RALYL: variants seen among roughly 807,000 people sequenced by gnomAD.
RALYL encodes the protein RNA-binding Raly-like protein.
In RALYL, 29 loss-of-function variants were observed where a neutral mutation model predicts 35.1. The ratio of observed to expected loss-of-function variants is 0.83; its 90% CI spans 0.61 to 1.13. The LOEUF is 1.13. Ranked by LOEUF, RALYL falls within the 50% of genes most tolerant of loss-of-function variation. RALYL has a pLI of 0.00. For missense variants in RALYL, 359 were observed against 360.4 expected (o/e 1.00, Z 0.03); for synonymous variants, 120 against 127.6 (o/e 0.94, Z 0.40).
At chr8:84,864,715 G>T in intron 6 of RALYL, 1 of 558,404 alleles carries the variant, frequency 1.8e-6, no homozygotes, top group Non-Finnish European at 3.4e-6. Flanking sequence ...ACCCCAGTAA[G>T]ATACTTGAGT....
chr8:84,199,332 T>A (rs1816256298), intron 1 of RALYL, among the ~76,000 whole-genome samples: 1 of 152,206 alleles, frequency 6.6e-6, no homozygotes, highest in Non-Finnish European at 1.5e-5. Context: ...TTGTCCATTT[T>A]AAAAATCAGA....
intron 2 of RALYL, among the ~76,000 whole-genome samples, chr8:84,630,960 T>G (rs1823790105): frequency 6.6e-6 from 1 of 151,994 alleles, no homozygotes; most frequent in Non-Finnish European, 1.5e-5. Flanking sequence ...ACGTTTTTAT[T>G]ATCAGGATGC....
intron 1 of RALYL, among the ~76,000 whole-genome samples, chr8:84,301,545 G>C (rs1043419185): frequency 1.3e-5 from 2 of 152,012 alleles, no homozygotes; most frequent in Non-Finnish European, 2.9e-5. Flanking sequence ...AAAAATGACT[G>C]TATGTTGAAA....
At chr8:84,761,898 G>A (rs1236659481) in intron 2 of RALYL, among the ~76,000 whole-genome samples, 1 of 152,160 alleles carries the variant, frequency 6.6e-6, no homozygotes, top group Non-Finnish European at 1.5e-5. Flanking sequence ...GGGGGCTTAT[G>A]AGTGTGAGGA....
intron 2 of RALYL, among the ~76,000 whole-genome samples, chr8:84,635,752 G>A (rs531057366): frequency 3.6e-4 from 54 of 151,684 alleles, no homozygotes; most frequent in African/African-American, 1.2e-3. Flanking sequence ...TGTAACATAC[G>A]GCTCTTAGCA....
intron 1 of RALYL, among the ~76,000 whole-genome samples, chr8:84,513,484 T>C (rs2057793342): frequency 6.6e-6 from 1 of 152,140 alleles, no homozygotes; most frequent in Non-Finnish European, 1.5e-5. Context: ...AATTGAAATA[T>C]TAACCTCTGG....
At chr8:84,226,860 T>A (rs1199093497) in intron 1 of RALYL, among the ~76,000 whole-genome samples, 2 of 152,076 alleles carry the variant, frequency 1.3e-5, no homozygotes, top group African/African-American at 2.4e-5. Context: ...ATTTTTGGAG[T>A]GTGGATCACA....
chr8:84,563,934 T>C (rs921128619), intron 2 of RALYL, among the ~76,000 whole-genome samples: 23 of 151,814 alleles, frequency 1.5e-4, no homozygotes, highest in African/African-American at 5.3e-4. Flanking sequence ...GTTGCATTTA[T>C]GTAAAATTTT....
chr8:84,746,655 T>C (rs1302644206), intron 2 of RALYL, among the ~76,000 whole-genome samples: 1 of 151,990 alleles, frequency 6.6e-6, no homozygotes, highest in Non-Finnish European at 1.5e-5. Flanking sequence ...AATAAGAAAT[T>C]ACATACAAAT....
intron 1 of RALYL, among the ~76,000 whole-genome samples, chr8:84,280,406 T>A (rs923671766): frequency 6.6e-6 from 1 of 152,142 alleles, no homozygotes; most frequent in African/African-American, 2.4e-5. Flanking sequence ...AGGGAAGATA[T>A]AATATATCCA....
chr8:84,617,950 A>G (rs1820232244), intron 2 of RALYL, among the ~76,000 whole-genome samples: 1 of 151,742 alleles, frequency 6.6e-6, no homozygotes, highest in South Asian at 2.1e-4. Context: ...AGCCCACTTG[A>G]TCATGGTGGA....
At chr8:84,599,252 T>C (rs1408415535) in intron 2 of RALYL, among the ~76,000 whole-genome samples, 1 of 152,078 alleles carries the variant, frequency 6.6e-6, no homozygotes, top group African/African-American at 2.4e-5. Flanking sequence ...GATTATAGAA[T>C]AAATTAAAAC....
At chr8:84,230,927 C>T (rs146401153) in intron 1 of RALYL, among the ~76,000 whole-genome samples, 1 of 152,190 alleles carries the variant, frequency 6.6e-6, no homozygotes, top group Non-Finnish European at 1.5e-5. Context: ...CTCTTGACTT[C>T]CATGCTACAC....
intron 1 of RALYL, among the ~76,000 whole-genome samples, chr8:84,390,796 T>G (rs1563838540): frequency 1.3e-5 from 2 of 151,960 alleles, no homozygotes; most frequent in Non-Finnish European, 2.9e-5. Flanking sequence ...GCAGGCATTC[T>G]TGTCATGTCT....
At chr8:84,554,039 TTTA>T (rs1564135162) in intron 2 of RALYL, among the ~76,000 whole-genome samples, 2 of 152,320 alleles carry the variant, frequency 1.3e-5, no homozygotes, top group East Asian at 3.9e-4. Context: ...CTAATAGAGT[TTTA>T]TTTTCTTATA....
At chr8:84,889,328 T>G (rs1843432428) in intron 8 of RALYL, among the ~76,000 whole-genome samples, 1 of 152,206 alleles carries the variant, frequency 6.6e-6, no homozygotes, top group African/African-American at 2.4e-5. Flanking sequence ...CCTTGAGCTC[T>G]CTGGAGGCCT....
chr8:84,281,720 C>T (rs150084918), intron 1 of RALYL, among the ~76,000 whole-genome samples: 76 of 149,964 alleles, frequency 5.1e-4, no homozygotes, highest in East Asian at 1.4e-3. Context: ...TGTGTGTGCA[C>T]GCATGTATAT....
At chr8:84,216,254 A>G (rs571328211) in intron 1 of RALYL, among the ~76,000 whole-genome samples, 1 of 151,628 alleles carries the variant, frequency 6.6e-6, no homozygotes, top group East Asian at 1.9e-4. Context: ...TTATACACTA[A>G]AATTTTGAAG....
At chr8:84,489,111 T>C (rs1260325069) in intron 1 of RALYL, among the ~76,000 whole-genome samples, 1 of 152,094 alleles carries the variant, frequency 6.6e-6, no homozygotes, top group African/African-American at 2.4e-5. Context: ...TCAAGTGTTA[T>C]ATACTGTAGA....
Sources: allele counts gnomAD v4.1 joint callset (sites outside exome capture counted in the v4.1 genomes callset), GRCh38; gene constraint gnomAD v4.1.1; transcripts MANE v1.5; gene names NCBI Gene and HGNC (gene_info 2026-07-23, HGNC 2026-07-21).